Variants in FOXO3 observed in about 807,000 individuals in gnomAD.
FOXO3 encodes forkhead box O3.
Under a neutral mutation model 41.9 loss-of-function variants are expected in FOXO3, and 4 were observed. The ratio of observed to expected loss-of-function variants is 0.10; its 90% CI spans 0.05 to 0.22. The LOEUF is 0.22. Among genes scored for constraint, FOXO3 ranks in the 10% least tolerant of loss-of-function variants. FOXO3 has a pLI of 1.00. For synonymous variants in FOXO3, 318 were observed against 389.3 expected (o/e 0.82, Z 2.16); for missense variants, 534 against 906.8 (o/e 0.59, Z 5.28).
intron 1 of FOXO3, among the ~76,000 whole-genome samples, chr6:108,578,718 C>G (rs1161545211): frequency 6.6e-6 from 1 of 152,156 alleles, no homozygotes; most frequent in East Asian, 1.9e-4. Context: ...AGTAGTTGCA[C>G]TGACTCATCC....
chr6:108,624,227 G>A (rs939641100), intron 1 of FOXO3, among the ~76,000 whole-genome samples: 1 of 152,010 alleles, frequency 6.6e-6, no homozygotes, highest in South Asian at 2.1e-4. Flanking sequence ...TGAGCCAAAG[G>A]CTTTTGAAGC....
intron 1 of FOXO3, among the ~76,000 whole-genome samples, chr6:108,634,113 T>C (rs1298941009): frequency 2.0e-5 from 3 of 152,356 alleles, no homozygotes; most frequent in East Asian, 1.9e-4. Context: ...GGAGGAATTA[T>C]TTAACTCCAC....
At chr6:108,652,659 T>C (rs1404051252) in intron 1 of FOXO3, among the ~76,000 whole-genome samples, 1 of 152,226 alleles carries the variant, frequency 6.6e-6, no homozygotes, top group Non-Finnish European at 1.5e-5. Context: ...GACAGGCTTG[T>C]TTAGAAAATA....
At chr6:108,591,579 G>C (rs1159568493) in intron 1 of FOXO3, among the ~76,000 whole-genome samples, 1 of 152,178 alleles carries the variant, frequency 6.6e-6, no homozygotes, top group Non-Finnish European at 1.5e-5. Flanking sequence ...AGGCATTCAG[G>C]AAGCAGCACG....
chr6:108,644,573 T>G (rs1345007929), intron 1 of FOXO3, among the ~76,000 whole-genome samples: 1 of 152,174 alleles, frequency 6.6e-6, no homozygotes, highest in African/African-American at 2.4e-5. Flanking sequence ...TCCTGTCTGG[T>G]GGCTTCTGTT....
intron 1 of FOXO3, among the ~76,000 whole-genome samples, chr6:108,602,006 T>C (rs2128366682): frequency 6.6e-6 from 1 of 152,372 alleles, no homozygotes; most frequent in South Asian, 2.1e-4. Context: ...CTGGGATAAA[T>C]GCCCAATGAC....
chr6:108,608,945 T>C (rs899715401), intron 1 of FOXO3, among the ~76,000 whole-genome samples: 5 of 152,210 alleles, frequency 3.3e-5, no homozygotes, highest in Non-Finnish European at 7.3e-5. Context: ...CTCAGCAGTA[T>C]AGAACTTGTT....
At chr6:108,581,993 C>T (rs932396665) in intron 1 of FOXO3, among the ~76,000 whole-genome samples, 2 of 151,902 alleles carry the variant, frequency 1.3e-5, no homozygotes, top group African/African-American at 4.8e-5. Flanking sequence ...AAAGATAAAG[C>T]TTTCTTAATG....
chr6:108,618,333 A>C (rs1380775189), intron 1 of FOXO3: 5 of 620,068 alleles, frequency 8.1e-6, no homozygotes, highest in Non-Finnish European at 1.5e-5. Context: ...AAGAGATATC[A>C]GGTCCACACT....
chr6:108,581,548 T>A (rs1042502292), intron 1 of FOXO3, among the ~76,000 whole-genome samples: 6 of 152,180 alleles, frequency 3.9e-5, no homozygotes, highest in Admixed American at 6.5e-5. Context: ...GCAGATTTAC[T>A]TTCAGTTTCA....
intron 1 of FOXO3, among the ~76,000 whole-genome samples, chr6:108,591,758 G>A (rs1417204830): frequency 7.2e-5 from 11 of 152,110 alleles, no homozygotes; most frequent in Non-Finnish European, 1.5e-4. Context: ...TTCTGAAGCC[G>A]AGATTTTGGG....
chr6:108,615,910 A>G (rs1777486703), intron 1 of FOXO3, among the ~76,000 whole-genome samples: 1 of 151,824 alleles, frequency 6.6e-6, no homozygotes, highest in Non-Finnish European at 1.5e-5. Flanking sequence ...TAGAAGTACC[A>G]CTGGGTTTAT....
At chr6:108,567,566 G>T (rs895050916) in intron 1 of FOXO3, among the ~76,000 whole-genome samples, 1 of 152,190 alleles carries the variant, frequency 6.6e-6, no homozygotes, top group South Asian at 2.1e-4. Flanking sequence ...AACATGCTAG[G>T]ACTATGTGAG....
intron 2 of FOXO3, among the ~76,000 whole-genome samples, chr6:108,673,380 C>T (rs150695306): frequency 3.1e-4 from 48 of 152,384 alleles, no homozygotes; most frequent in Non-Finnish European, 6.0e-4. Flanking sequence ...CTGGCCAGGG[C>T]ACTCCTTTGT....
chr6:108,662,934 T>C (rs192642491), intron 1 of FOXO3, among the ~76,000 whole-genome samples: 48 of 152,334 alleles, frequency 3.2e-4, no homozygotes, highest in African/African-American at 1.1e-3. Flanking sequence ...CCAGCATCTC[T>C]TGGACATGAA....
intron 1 of FOXO3, among the ~76,000 whole-genome samples, chr6:108,601,139 G>T (rs549867231): frequency 1.7e-4 from 25 of 151,328 alleles, no homozygotes; most frequent in African/African-American, 5.6e-4. Flanking sequence ...TCCCCAGTAG[G>T]TGGGACTACA....
chr6:108,632,788 C>T (rs1778011523), intron 1 of FOXO3, among the ~76,000 whole-genome samples: 1 of 152,094 alleles, frequency 6.6e-6, no homozygotes. Flanking sequence ...TGGTGGTCAC[C>T]TAAGTATTTT....
chr6:108,673,128 T>C (rs1333868961), intron 2 of FOXO3, among the ~76,000 whole-genome samples: 2 of 152,138 alleles, frequency 1.3e-5, no homozygotes, highest in Non-Finnish European at 1.5e-5. Flanking sequence ...GATAGACCTG[T>C]TGGAAGGTGA....
intron 1 of FOXO3, among the ~76,000 whole-genome samples, chr6:108,579,706 C>A (rs1776356501): frequency 6.6e-6 from 1 of 152,098 alleles, no homozygotes; most frequent in Non-Finnish European, 1.5e-5. Context: ...TTGAAAGGAT[C>A]TGGCATCAGG....
Sources: allele counts gnomAD v4.1 joint callset (sites outside exome capture counted in the v4.1 genomes callset), GRCh38; gene constraint gnomAD v4.1.1; transcripts MANE v1.5; gene names NCBI Gene and HGNC (gene_info 2026-07-23, HGNC 2026-07-21).